Variants in THSD7B observed in about 807,000 individuals in gnomAD.
THSD7B encodes the protein thrombospondin type 1 domain containing 7B.
Under a neutral mutation model 213.6 loss-of-function variants are expected in THSD7B, and 138 were observed. That is an observed-to-expected ratio of 0.65 (90% CI 0.56 to 0.74). The LOEUF (loss-of-function observed/expected upper bound fraction) is 0.74, where lower values mean the gene tolerates loss of function less well. Among genes scored for constraint, THSD7B ranks in the 30% least tolerant of loss-of-function variants. THSD7B has a pLI of 0.00. For missense variants in THSD7B, 1,931 were observed against 1,991.5 expected (o/e 0.97, Z 0.58); for synonymous variants, 742 against 687.0 (o/e 1.08, Z -1.25).
intron 17 of THSD7B, among the ~76,000 whole-genome samples, chr2:137,592,622 C>A (rs1291789536): frequency 6.6e-6 from 1 of 151,840 alleles, no homozygotes; most frequent in Admixed American, 6.6e-5. Flanking sequence ...TTCACCCAAG[C>A]TGCATTTTTC....
At chr2:137,377,418 A>C (rs919724992) in intron 12 of THSD7B, among the ~76,000 whole-genome samples, 1 of 152,196 alleles carries the variant, frequency 6.6e-6, no homozygotes, top group African/African-American at 2.4e-5. Context: ...TAAAAAAGTT[A>C]ATATAAATGG....
At chr2:136,805,380 AT>A (rs1248187911) in intron 1 of THSD7B, among the ~76,000 whole-genome samples, 3 of 152,176 alleles carry the variant, frequency 2.0e-5, no homozygotes, top group Admixed American at 1.3e-4. Context: ...ATTAAACAGC[AT>A]TTTTGCATCC....
At chr2:137,580,401 C>T (rs1190660081) in intron 17 of THSD7B, among the ~76,000 whole-genome samples, 1 of 151,932 alleles carries the variant, frequency 6.6e-6, no homozygotes, top group Non-Finnish European at 1.5e-5. Flanking sequence ...ATCTTGCATC[C>T]AACTGTTTTC....
chr2:136,903,021 T>C (rs991817855), intron 2 of THSD7B, among the ~76,000 whole-genome samples: 1 of 152,202 alleles, frequency 6.6e-6, no homozygotes, highest in Non-Finnish European at 1.5e-5. Flanking sequence ...TGTGGCCCAG[T>C]TGTGCCTCCC....
intron 15 of THSD7B, among the ~76,000 whole-genome samples, chr2:137,476,982 C>T (rs772082605): frequency 6.6e-6 from 1 of 152,156 alleles, no homozygotes. Context: ...GAAGAATGTG[C>T]ATTCTATAGG....
At chr2:137,368,301 C>T (rs893034960) in intron 12 of THSD7B, among the ~76,000 whole-genome samples, 2 of 151,786 alleles carry the variant, frequency 1.3e-5, no homozygotes, top group African/African-American at 2.4e-5. Flanking sequence ...CTGAAATTTC[C>T]TATCAAAATG....
intron 2 of THSD7B, among the ~76,000 whole-genome samples, chr2:136,915,082 A>G (rs1558850422): frequency 6.6e-6 from 1 of 152,194 alleles, no homozygotes; most frequent in Non-Finnish European, 1.5e-5. Flanking sequence ...TGGGAGTTGG[A>G]CTGTTTGGGG....
intron 12 of THSD7B, among the ~76,000 whole-genome samples, chr2:137,370,304 A>G (rs533523145): frequency 6.6e-6 from 1 of 152,262 alleles, no homozygotes; most frequent in South Asian, 2.1e-4. Flanking sequence ...TTTGAAAGAT[A>G]TTTCTATGAT....
intron 15 of THSD7B, among the ~76,000 whole-genome samples, chr2:137,559,203 G>T (rs1031900828): frequency 6.6e-6 from 1 of 151,978 alleles, no homozygotes; most frequent in Non-Finnish European, 1.5e-5. Flanking sequence ...TCACAGAATT[G>T]GAAAAAACTA....
At chr2:137,243,686 A>G (rs776949397) in intron 10 of THSD7B, among the ~76,000 whole-genome samples, 2 of 152,234 alleles carry the variant, frequency 1.3e-5, no homozygotes, top group Non-Finnish European at 2.9e-5. Flanking sequence ...TAAAGCCAAT[A>G]TTGACATAGA....
intron 2 of THSD7B, among the ~76,000 whole-genome samples, chr2:137,021,868 A>T (rs1686451473): frequency 6.6e-6 from 1 of 152,202 alleles, no homozygotes; most frequent in African/African-American, 2.4e-5. Context: ...AGTGTCTTTC[A>T]CTGAATGGAC....
intron 17 of THSD7B, among the ~76,000 whole-genome samples, chr2:137,574,304 A>C (rs575017833): frequency 2.6e-5 from 4 of 152,162 alleles, no homozygotes; most frequent in African/African-American, 9.6e-5. Context: ...TCGAAACATA[A>C]TTATTTAATT....
intron 2 of THSD7B, among the ~76,000 whole-genome samples, chr2:136,921,176 G>A (rs1029838893): frequency 6.9e-6 from 1 of 145,352 alleles, no homozygotes; most frequent in Non-Finnish European, 1.5e-5. Flanking sequence ...TGTCCTTACA[G>A]CAGCCGCTCC....
chr2:136,861,372 A>T (rs1683256961), intron 1 of THSD7B, among the ~76,000 whole-genome samples: 1 of 152,166 alleles, frequency 6.6e-6, no homozygotes, highest in Non-Finnish European at 1.5e-5. Flanking sequence ...TTTATTGAAC[A>T]CCTACCATGT....
At chr2:137,028,832 C>A (rs1308085417) in intron 2 of THSD7B, among the ~76,000 whole-genome samples, 1 of 152,076 alleles carries the variant, frequency 6.6e-6, no homozygotes, top group Non-Finnish European at 1.5e-5. Flanking sequence ...TTCTTTGATT[C>A]TTTCTGATGA....
chr2:136,990,399 G>A (rs1685754520), intron 2 of THSD7B, among the ~76,000 whole-genome samples: 1 of 152,216 alleles, frequency 6.6e-6, no homozygotes, highest in South Asian at 2.1e-4. Flanking sequence ...CAAGATGCCT[G>A]AGCAAGAGTG....
chr2:137,504,545 C>A (rs780189435), intron 15 of THSD7B, among the ~76,000 whole-genome samples: 94 of 152,338 alleles, frequency 6.2e-4, no homozygotes, highest in Non-Finnish European at 8.8e-4. Flanking sequence ...GTATTATCAT[C>A]TTTACCTAAA....
At chr2:136,867,075 A>C (rs1484985704) in intron 1 of THSD7B, among the ~76,000 whole-genome samples, 1 of 152,204 alleles carries the variant, frequency 6.6e-6, no homozygotes, top group African/African-American at 2.4e-5. Flanking sequence ...TAGACTACAA[A>C]CTAGGACTAC....
chr2:137,147,132 C>A (rs919044978), intron 5 of THSD7B, among the ~76,000 whole-genome samples: 1 of 152,096 alleles, frequency 6.6e-6, no homozygotes, highest in Non-Finnish European at 1.5e-5. Flanking sequence ...TTGGTTTAGA[C>A]AGGTTGGAAG....
Sources: gnomAD v4.1 joint callset for allele counts (sites outside exome capture counted in the v4.1 genomes callset) on GRCh38, gnomAD v4.1.1 for gene constraint, MANE v1.5 for transcripts, NCBI Gene and HGNC (gene_info 2026-07-23, HGNC 2026-07-21) for gene names.